Variants in CDH13 observed in about 807,000 individuals in gnomAD.
CDH13 encodes cadherin 13.
CDH13 carries 24 observed loss-of-function variants against 63.8 expected under a neutral mutation model. The observed-to-expected ratio is 0.38, with a 90% CI of 0.27 to 0.53. The LOEUF is 0.53. Ranked by LOEUF, CDH13 falls within the 20% of genes least tolerant of loss-of-function variation. The pLI is 0.85. For missense variants in CDH13, 1,049 were observed against 903.1 expected (o/e 1.16, Z -2.07); for synonymous variants, 503 against 355.3 (o/e 1.42, Z -4.67).
At chr16:83,406,503 G>A (rs148744781) in intron 6 of CDH13, among the ~76,000 whole-genome samples, 38 of 146,606 alleles carry the variant, frequency 2.6e-4, no homozygotes, top group Admixed American at 7.1e-4. Flanking sequence ...TTGCTTCATC[G>A]CCCAGGCTGG....
At chr16:82,781,231 A>T (rs1247826662) in intron 1 of CDH13, among the ~76,000 whole-genome samples, 2 of 152,240 alleles carry the variant, frequency 1.3e-5, no homozygotes, top group Non-Finnish European at 2.9e-5. Context: ...TAGTTGCCAC[A>T]GGGAAACATT....
intron 5 of CDH13, among the ~76,000 whole-genome samples, chr16:83,295,792 A>G (rs2089578995): frequency 6.6e-6 from 1 of 152,174 alleles, no homozygotes; most frequent in Admixed American, 6.5e-5. Context: ...TAGAACTATC[A>G]TATGATTCAA....
chr16:83,632,925 C>T (rs921608839), intron 8 of CDH13, among the ~76,000 whole-genome samples: 2 of 151,420 alleles, frequency 1.3e-5, no homozygotes, highest in African/African-American at 4.9e-5. Context: ...GAGTTTCTCC[C>T]CCTTTTAGAC....
At chr16:83,373,301 C>G (rs2091405362) in intron 6 of CDH13, among the ~76,000 whole-genome samples, 2 of 152,100 alleles carry the variant, frequency 1.3e-5, no homozygotes, top group Admixed American at 6.5e-5. Context: ...GCAGTAAGAA[C>G]TGAGTAGGAA....
intron 11 of CDH13, among the ~76,000 whole-genome samples, chr16:83,765,669 T>C (rs989546702): frequency 3.3e-5 from 5 of 152,176 alleles, no homozygotes; most frequent in Non-Finnish European, 2.9e-5. Flanking sequence ...ATTCTCAGCT[T>C]ATAGAGCTGA....
At chr16:83,412,056 G>A (rs1413654446) in intron 6 of CDH13, among the ~76,000 whole-genome samples, 1 of 152,188 alleles carries the variant, frequency 6.6e-6, no homozygotes, top group Non-Finnish European at 1.5e-5. Flanking sequence ...GGCAAGGAGA[G>A]CCACAAGCTC....
At chr16:82,945,147 A>G (rs1049258195) in intron 2 of CDH13, among the ~76,000 whole-genome samples, 2 of 152,320 alleles carry the variant, frequency 1.3e-5, no homozygotes, top group Admixed American at 6.5e-5. Flanking sequence ...CTCAAGTAGA[A>G]CTTAATGTAA....
At chr16:83,431,180 G>A (rs1438346583) in intron 6 of CDH13, among the ~76,000 whole-genome samples, 1 of 151,794 alleles carries the variant, frequency 6.6e-6, no homozygotes, top group Non-Finnish European at 1.5e-5. Context: ...GTATTCCATG[G>A]TGTATATGTG....
intron 1 of CDH13, among the ~76,000 whole-genome samples, chr16:82,788,101 T>G (rs1721020913): frequency 6.6e-6 from 1 of 152,148 alleles, no homozygotes; most frequent in South Asian, 2.1e-4. Context: ...AAATATAATT[T>G]GCCACATAAA....
chr16:83,177,253 G>A (rs747752750), intron 4 of CDH13, among the ~76,000 whole-genome samples: 1 of 152,102 alleles, frequency 6.6e-6, no homozygotes, highest in Admixed American at 6.5e-5. Flanking sequence ...TATGACAATT[G>A]ATAACATTGC....
intron 1 of CDH13, among the ~76,000 whole-genome samples, chr16:82,746,400 G>C (rs2034176614): frequency 6.6e-6 from 1 of 151,890 alleles, no homozygotes; most frequent in African/African-American, 2.4e-5. Context: ...TTTTATCATT[G>C]AAAGTAGAAG....
chr16:83,349,975 G>C (rs751456485), intron 6 of CDH13, among the ~76,000 whole-genome samples: 1 of 152,140 alleles, frequency 6.6e-6, no homozygotes, highest in Non-Finnish European at 1.5e-5. Context: ...TCAAGGAAAT[G>C]ACATTAAACA....
chr16:82,907,349 A>C (rs1381734076), intron 2 of CDH13, among the ~76,000 whole-genome samples: 1 of 152,012 alleles, frequency 6.6e-6, no homozygotes, highest in East Asian at 1.9e-4. Flanking sequence ...AGAGCATCCC[A>C]AGGGCTCCAC....
chr16:83,290,791 C>T (rs1002914835), intron 5 of CDH13, among the ~76,000 whole-genome samples: 1 of 152,160 alleles, frequency 6.6e-6, no homozygotes, highest in African/African-American at 2.4e-5. Flanking sequence ...CATGCACGTG[C>T]ACTTTTTTTC....
intron 5 of CDH13, among the ~76,000 whole-genome samples, chr16:83,222,913 T>C (rs2039738770): frequency 6.6e-6 from 1 of 152,082 alleles, no homozygotes; most frequent in Non-Finnish European, 1.5e-5. Flanking sequence ...GGTGATTCTT[T>C]GTTATGGGGG....
chr16:83,301,046 T>TG (rs2089728179), intron 5 of CDH13, among the ~76,000 whole-genome samples: 1 of 143,554 alleles, frequency 7.0e-6, no homozygotes, highest in Non-Finnish European at 1.5e-5. Flanking sequence ...TTTTTTTTTT[T>TG]TTTGAGACAG....
intron 7 of CDH13, among the ~76,000 whole-genome samples, chr16:83,578,636 T>A (rs1399915458): frequency 6.6e-6 from 1 of 152,180 alleles, no homozygotes; most frequent in Non-Finnish European, 1.5e-5. Context: ...GAGCATCTAT[T>A]AATACTGCAT....
At chr16:82,802,041 A>G (rs2151161721) in intron 1 of CDH13, among the ~76,000 whole-genome samples, 1 of 152,260 alleles carries the variant, frequency 6.6e-6, no homozygotes, top group East Asian at 1.9e-4. Context: ...GGATCTCTGG[A>G]AGACTACATA....
intron 4 of CDH13, among the ~76,000 whole-genome samples, chr16:83,144,730 C>G (rs1567873836): frequency 6.6e-6 from 1 of 152,254 alleles, no homozygotes; most frequent in African/African-American, 2.4e-5. Flanking sequence ...AAGAGTCCAA[C>G]TGTCAGAATG....
Sources: allele counts gnomAD v4.1 joint callset (sites outside exome capture counted in the v4.1 genomes callset), GRCh38; gene constraint gnomAD v4.1.1; transcripts MANE v1.5; gene names NCBI Gene and HGNC (gene_info 2026-07-23, HGNC 2026-07-21).